The following KCNQ5 variants were observed in gnomAD, a reference collection of about 807,000 sequenced individuals.
The protein encoded by KCNQ5 is potassium voltage-gated channel subfamily KQT member 5.
Under a neutral mutation model 98.2 loss-of-function variants are expected in KCNQ5, and 30 were observed. That is an observed-to-expected ratio of 0.31 (90% CI 0.23 to 0.41). The LOEUF (loss-of-function observed/expected upper bound fraction) is 0.41, where lower values mean the gene tolerates loss of function less well. KCNQ5 is among the 10% of genes least tolerant of loss of function. The pLI is 1.00. For missense variants in KCNQ5, 835 were observed against 1,182.5 expected, an observed-to-expected ratio of 0.71 and a Z score of 4.31; for synonymous variants, 458 against 449.4, an observed-to-expected ratio of 1.02 and a Z score of -0.24.
rs1165557024 is a variant in KCNQ5, at chr6:72,806,017, C to T, written c.398+183430C>T. On this transcript the variant is annotated intron_variant, in intron 1 of 13. Coordinates refer to ENST00000370398, the MANE Select transcript of KCNQ5 (RefSeq NM_019842.4). ...ATAGTGTACTTTACTTCATGGTGCC[C>T]GAAATCTGCTGAGAGGCAACTGGTG... 3.3e-5 allele frequency among the ~76,000 whole-genome samples: 5 copies of T among 152,102 alleles called. No homozygotes were observed. In the East Asian group the frequency reaches 5.8e-4, roughly 18 times the overall value.
intron 1 of KCNQ5, among the ~76,000 whole-genome samples, chr6:72,962,117 G>A (rs1338458779): frequency 6.6e-6 from 1 of 150,664 alleles, no homozygotes; most frequent in Non-Finnish European, 1.5e-5. Context: ...GACAGAGTTT[G>A]CAGCGAGCCA....
chr6:72,864,655 C>A (rs1777906364), intron 1 of KCNQ5, among the ~76,000 whole-genome samples: 1 of 152,116 alleles, frequency 6.6e-6, no homozygotes, highest in South Asian at 2.1e-4. Flanking sequence ...ATAATAACAT[C>A]ACTACATAAT....
intron 1 of KCNQ5, among the ~76,000 whole-genome samples, chr6:72,788,353 C>T (rs150146095): frequency 3.2e-4 from 48 of 152,312 alleles, no homozygotes; most frequent in African/African-American, 1.2e-3. Context: ...CTTTGGATAT[C>T]TGTAAGATGG....
At chr6:72,871,381 C>T (rs920937602) in intron 1 of KCNQ5, among the ~76,000 whole-genome samples, 1 of 152,088 alleles carries the variant, frequency 6.6e-6, no homozygotes, top group Non-Finnish European at 1.5e-5. Flanking sequence ...TTTTTCCCTT[C>T]TCTTGTTATT....
chr6:73,088,268 G>A (rs1479891040), intron 5 of KCNQ5, among the ~76,000 whole-genome samples: 1 of 151,956 alleles, frequency 6.6e-6, no homozygotes, highest in Non-Finnish European at 1.5e-5. Context: ...TGATCCACCT[G>A]CCTCGGCCTC....
rs897676268 is a variant in KCNQ5, at chr6:73,020,626, T to C, written c.489+16628T>C. Among the ~76,000 whole-genome samples the C allele has an allele frequency of 2.6e-5, 4 of 152,118 alleles. No homozygotes were observed. The South Asian group carries it at 8.3e-4, about 32-fold the overall frequency. Reference sequence around the variant, plus strand: ...TTTCCCGTCCTTGGAGGTTGGGTGGTGGGATTAAAAGTCCCAACCCTCTAA... The same window carrying C: ...TTTCCCGTCCTTGGAGGTTGGGTGGCGGGATTAAAAGTCCCAACCCTCTAA... On this transcript the variant is annotated intron_variant, in intron 2 of 13. Transcript: ENST00000370398.
intron 1 of KCNQ5, among the ~76,000 whole-genome samples, chr6:72,725,789 A>G (rs1169767584): frequency 6.6e-6 from 1 of 152,206 alleles, no homozygotes; most frequent in Admixed American, 6.5e-5. Flanking sequence ...TCCCATAAAT[A>G]TATATAATTA....
At chr6:72,789,695 G>T (rs1216986811) in intron 1 of KCNQ5, among the ~76,000 whole-genome samples, 1 of 152,162 alleles carries the variant, frequency 6.6e-6, no homozygotes, top group Non-Finnish European at 1.5e-5. Flanking sequence ...TATTTTAAAT[G>T]AGGAAACTGA....
chr6:73,088,540 C>CTGTGTACCT (rs1774088827), intron 5 of KCNQ5, among the ~76,000 whole-genome samples: 1 of 152,160 alleles, frequency 6.6e-6, no homozygotes. Flanking sequence ...TGGACCCTTT[C>CTGTGTACCT]TGTGTACCTT....
intron 1 of KCNQ5, among the ~76,000 whole-genome samples, chr6:72,650,923 G>C (rs77807519): frequency 6.6e-6 from 1 of 152,042 alleles, no homozygotes. Context: ...AGAGGGGGTC[G>C]TGTTTAAATT....
intron 1 of KCNQ5, among the ~76,000 whole-genome samples, chr6:72,988,060 G>A (rs1490754617): frequency 6.6e-6 from 1 of 152,156 alleles, no homozygotes; most frequent in Non-Finnish European, 1.5e-5. Flanking sequence ...CATGTTTGGG[G>A]AGCCAGGAGA....
At chr6:72,722,336 C>T (rs1055527076) in intron 1 of KCNQ5, among the ~76,000 whole-genome samples, 1 of 152,138 alleles carries the variant, frequency 6.6e-6, no homozygotes, top group Non-Finnish European at 1.5e-5. Flanking sequence ...CGTCCTTGGC[C>T]CTTCCAGCCA....
At chr6:72,722,174 A>G (rs571462724) in intron 1 of KCNQ5, among the ~76,000 whole-genome samples, 66 of 152,288 alleles carry the variant, frequency 4.3e-4, no homozygotes, top group African/African-American at 1.5e-3. Context: ...CCCTGCTGGT[A>G]CCTTGACTTT....
intron 1 of KCNQ5, among the ~76,000 whole-genome samples, chr6:72,628,244 G>A (rs917296912): frequency 3.3e-5 from 5 of 152,146 alleles, no homozygotes; most frequent in East Asian, 1.9e-4. Context: ...TTTCTTAGAC[G>A]TAAGATACTG....
chr6:72,810,995 G>A (rs762810775), intron 1 of KCNQ5, among the ~76,000 whole-genome samples: 47 of 152,160 alleles, frequency 3.1e-4, no homozygotes, highest in Non-Finnish European at 5.6e-4. Context: ...AAACTGATGA[G>A]GTTGATTTCC....
chr6:72,785,839 A>G (rs1307112402), intron 1 of KCNQ5, among the ~76,000 whole-genome samples: 1 of 152,128 alleles, frequency 6.6e-6, no homozygotes, highest in Non-Finnish European at 1.5e-5. Flanking sequence ...GGGTGCACAC[A>G]TCACAGAGTT....
intron 11 of KCNQ5, among the ~76,000 whole-genome samples, chr6:73,176,859 G>C (rs1040066484): frequency 6.6e-6 from 1 of 152,178 alleles, no homozygotes; most frequent in African/African-American, 2.4e-5. Flanking sequence ...ACCCAGGAGA[G>C]CAGTCTGGAA....
chr6:72,693,069 C>T (rs1768293479), intron 1 of KCNQ5, among the ~76,000 whole-genome samples: 1 of 151,920 alleles, frequency 6.6e-6, no homozygotes, highest in African/African-American at 2.4e-5. Context: ...CTTAAGTTTT[C>T]AGGAAAAAGA....
chr6:73,130,291 C>T (rs1036598589), intron 9 of KCNQ5, among the ~76,000 whole-genome samples: 8 of 152,178 alleles, frequency 5.3e-5, no homozygotes, highest in Non-Finnish European at 8.8e-5. Context: ...CACACAGTTG[C>T]CTGGCAGAGA....
Sources: gnomAD v4.1 joint callset for allele counts (sites outside exome capture counted in the v4.1 genomes callset) on GRCh38, gnomAD v4.1.1 for gene constraint, MANE v1.5 for transcripts, NCBI Gene and HGNC (gene_info 2026-07-23, HGNC 2026-07-21) for gene names.